SERPINI1: variants seen among roughly 807,000 people sequenced by gnomAD.
SERPINI1 encodes serpin family I member 1.
A neutral mutation model predicts 41.1 loss-of-function variants in SERPINI1; 19 were observed. That is an observed-to-expected ratio of 0.46 (90% CI 0.32 to 0.68). The LOEUF is 0.68. Among genes scored for constraint, SERPINI1 ranks in the 30% least tolerant of loss-of-function variants. The pLI, the probability that SERPINI1 is intolerant of heterozygous loss-of-function variation, is 0.03. For synonymous variants in SERPINI1, 138 were observed against 156.6 expected (o/e 0.88, Z 0.89); for missense variants, 460 against 479.2 (o/e 0.96, Z 0.37).
chr3:167,793,740 A>G (rs1361842816), intron 4 of SERPINI1, among the ~76,000 whole-genome samples: 1 of 151,498 alleles, frequency 6.6e-6, no homozygotes. Context: ...GTGGCAGAGC[A>G]AGACCCTGTC....
At position 167,802,507 on chromosome 3, in the gene SERPINI1, C is replaced by A. The variant is rs1241479422; in HGVS notation, c.882-4737C>A. On this transcript the variant is annotated intron_variant, in intron 5 of 8. Transcript: ENST00000446050. ...TTCTCAAAAGAAGACATTTATGCAGCCAAAAAACACATGAAAAAATGCTCA... is the reference window on the plus strand; with the variant it reads ...TTCTCAAAAGAAGACATTTATGCAGACAAAAAACACATGAAAAAATGCTCA... Among the ~76,000 whole-genome samples, 490 of 151,518 alleles carry A rather than the reference C, an allele frequency of 3.2e-3. 2 individuals are homozygous for A. Among genetic ancestry groups the A allele is most frequent in the African/African-American group, 0.011 (456 of 41,212 alleles).
At chr3:167,801,147 T>A (rs899096686) in intron 5 of SERPINI1, among the ~76,000 whole-genome samples, 5 of 152,320 alleles carry the variant, frequency 3.3e-5, no homozygotes, top group Admixed American at 6.5e-5. Flanking sequence ...TGAGTGCTTT[T>A]CATTAGATTT....
At chr3:167,761,042 C>T (rs576267576) in intron 1 of SERPINI1, among the ~76,000 whole-genome samples, 1 of 152,270 alleles carries the variant, frequency 6.6e-6, no homozygotes, top group African/African-American at 2.4e-5. Flanking sequence ...AACCTTTAAC[C>T]TAACCTAGAG....
chr3:167,810,655 A>C (rs372899987), intron 6 of SERPINI1, among the ~76,000 whole-genome samples: 4 of 152,202 alleles, frequency 2.6e-5, no homozygotes, highest in Non-Finnish European at 5.9e-5. Context: ...CTAATAGACC[A>C]GGGTGGTGGT....
In SERPINI1 at chr3:167,759,400, G is replaced by GCATATATATATATATATATA. The variant is rs1553771738; in HGVS notation, c.-19+23577_-19+23578insCATATATATATATATATATA. Among the ~76,000 whole-genome samples, 65 of 121,156 alleles carry GCATATATATATATATATATA rather than the reference G, an allele frequency of 5.4e-4. 2 individuals are homozygous for GCATATATATATATATATATA. Among genetic ancestry groups the GCATATATATATATATATATA allele is most frequent in the Middle Eastern group, 4.0e-3 (1 of 252 alleles). 79.5% of individuals were successfully genotyped at this position (121,156 alleles called of 152,430 possible). On this transcript the variant is annotated intron_variant, in intron 1 of 8. Transcript: ENST00000446050. ...ATCAACATTGGATAAAGAAAATGTG[G>GCATATATATATATATATATA]TATATATATATATATATATATGCGC...
Position 167,791,439 on chromosome 3 carries a change from C to T in SERPINI1, c.481+837C>T, listed in dbSNP as rs113763342. ...ACCTTAAGAAGTGCCATGATTAATACAATGAGAGAATACAGAGCAAATTTT... is the reference window on the plus strand; with the variant it reads ...ACCTTAAGAAGTGCCATGATTAATATAATGAGAGAATACAGAGCAAATTTT... On this transcript the variant is annotated intron_variant, in intron 3 of 8. Coordinates refer to ENST00000446050, the MANE Select transcript of SERPINI1 (RefSeq NM_001122752.2). Among the ~76,000 whole-genome samples the T allele has an allele frequency of 3.0e-3, 454 of 152,056 alleles. 4 individuals are homozygous for T. The highest frequency in any genetic ancestry group is 0.01 in the African/African-American group (426 of 41,472).
rs533958296 is a variant in SERPINI1, at chr3:167,778,686, G to A, written c.-18-10425G>A. On this transcript the variant is annotated intron_variant, in intron 1 of 8. Transcript: ENST00000446050. Reference sequence around the variant, plus strand: ...AAAGTTTCAAATCTTGTGACCTCTGGCTACATGATTCCTGAGCAGTAAGCA... The same window carrying A: ...AAAGTTTCAAATCTTGTGACCTCTGACTACATGATTCCTGAGCAGTAAGCA... 2.0e-5 allele frequency among the ~76,000 whole-genome samples: 3 copies of A among 152,306 alleles called. No individual in the cohort carries two copies. In the South Asian group the frequency reaches 6.2e-4, roughly 32 times the overall value.
At chr3:167,817,222 T>C (rs1712128993) in intron 6 of SERPINI1, among the ~76,000 whole-genome samples, 1 of 152,138 alleles carries the variant, frequency 6.6e-6, no homozygotes, top group African/African-American at 2.4e-5. Flanking sequence ...AAAAAGATGA[T>C]TTGTATATGT....
chr3:167,759,078 A>T (rs1341774723), intron 1 of SERPINI1, among the ~76,000 whole-genome samples: 1 of 152,136 alleles, frequency 6.6e-6, no homozygotes, highest in Non-Finnish European at 1.5e-5. Flanking sequence ...TTATAGAGCC[A>T]GGTGTTCTGT....
intron 4 of SERPINI1, among the ~76,000 whole-genome samples, chr3:167,793,168 A>G (rs1727585997): frequency 6.6e-6 from 1 of 152,160 alleles, no homozygotes; most frequent in African/African-American, 2.4e-5. Flanking sequence ...CATTCTTCTT[A>G]TACAAAGACT....
intron 1 of SERPINI1, among the ~76,000 whole-genome samples, chr3:167,783,807 C>T (rs913978522): frequency 2.6e-5 from 4 of 152,196 alleles, no homozygotes; most frequent in African/African-American, 9.6e-5. Flanking sequence ...ATTTTGCTTG[C>T]AAGCTGGACA....
intron 1 of SERPINI1, among the ~76,000 whole-genome samples, chr3:167,773,756 T>C (rs1016469618): frequency 5.3e-5 from 8 of 152,222 alleles, no homozygotes; most frequent in Non-Finnish European, 4.4e-5. Context: ...TTTAGCACAG[T>C]GTTAGTCAAT....
chr3:167,814,681 A>G (rs1712010595), intron 6 of SERPINI1, among the ~76,000 whole-genome samples: 1 of 152,184 alleles, frequency 6.6e-6, no homozygotes, highest in East Asian at 1.9e-4. Flanking sequence ...ACAATACCGC[A>G]TATGTAGTGG....
rs766088150 is a variant in SERPINI1, at chr3:167,789,099, G to A, written c.-18-12G>A. On this transcript the variant is annotated splice_polypyrimidine_tract_variant and intron_variant, in intron 1 of 8. Transcript: ENST00000446050. Reference sequence around the variant, plus strand: ...ATAACTAATAATTAATATGTAAATTGTTGTTTTTTAGGCTTGAAACTGTTA... The same window carrying A: ...ATAACTAATAATTAATATGTAAATTATTGTTTTTTAGGCTTGAAACTGTTA... The A allele has an allele frequency of 2.5e-6, 4 of 1,610,970 alleles. No individual in the cohort carries two copies. The African/African-American group carries it at 4.0e-5, about 16-fold the overall frequency.
chr3:167,819,128 A>G (rs927210487), intron 6 of SERPINI1, among the ~76,000 whole-genome samples: 1 of 151,280 alleles, frequency 6.6e-6, no homozygotes, highest in African/African-American at 2.5e-5. Flanking sequence ...CTTAAAATTT[A>G]TTTTTTAAAT....
intron 1 of SERPINI1, among the ~76,000 whole-genome samples, chr3:167,762,915 C>T (rs144715126): frequency 4.6e-5 from 7 of 152,094 alleles, no homozygotes; most frequent in East Asian, 3.9e-4. Context: ...ATTGAATGCC[C>T]GGTGACATTC....
At chr3:167,820,861 C>G (rs1199953442) in intron 6 of SERPINI1, among the ~76,000 whole-genome samples, 7 of 152,154 alleles carry the variant, frequency 4.6e-5, no homozygotes, top group Non-Finnish European at 1.5e-5. Flanking sequence ...TGAGAACTTA[C>G]GGTGCTTTTT....
intron 1 of SERPINI1, among the ~76,000 whole-genome samples, chr3:167,771,148 T>C (rs1002262124): frequency 6.6e-5 from 10 of 152,248 alleles, no homozygotes; most frequent in Admixed American, 3.3e-4. Flanking sequence ...TTGTATCTTT[T>C]GACCCAACAA....
chr3:167,790,350 C>T (rs761611079), intron 2 of SERPINI1, 22 bp from the exon 3 acceptor site: 23 of 1,516,556 alleles, frequency 1.5e-5, no homozygotes, highest in East Asian at 9.0e-5. Context: ...TACAAATAAA[C>T]TTATCCTTTC....
Sources: allele counts gnomAD v4.1 joint callset (sites outside exome capture counted in the v4.1 genomes callset), GRCh38; gene constraint gnomAD v4.1.1; transcripts MANE v1.5; gene names NCBI Gene and HGNC (gene_info 2026-07-23, HGNC 2026-07-21).